Variants in PAICS observed in about 807,000 individuals in gnomAD.
The protein encoded by PAICS is bifunctional phosphoribosylaminoimidazole carboxylase/phosphoribosylaminoimidazole succinocarboxamide synthetase.
In PAICS, 33 loss-of-function variants were observed where a neutral mutation model predicts 53.7. The ratio of observed to expected loss-of-function variants is 0.61; its 90% CI spans 0.47 to 0.82. The LOEUF (loss-of-function observed/expected upper bound fraction) is 0.82. PAICS is among the 40% of genes least tolerant of loss of function. The pLI is 0.00. For missense variants in PAICS, 394 were observed against 494.1 expected, an observed-to-expected ratio of 0.80 and a Z score of 1.92; for synonymous variants, 141 against 167.2, an observed-to-expected ratio of 0.84 and a Z score of 1.21.
chr4:56,436,571 A>T, intron 1 of PAICS: 1 of 701,698 alleles, frequency 1.4e-6, no homozygotes, highest in Non-Finnish European at 2.6e-6. Context: ...GGTGCCTGGA[A>T]GTATTATTTA....
intron 1 of PAICS, among the ~76,000 whole-genome samples, chr4:56,440,294 C>G (rs1718270303): frequency 6.6e-6 from 1 of 152,148 alleles, no homozygotes; most frequent in African/African-American, 2.4e-5. Flanking sequence ...CTTAAAGGGA[C>G]TTTTAAACCA....
the PAICS span, chr4:56,420,750 C>T: frequency 6.6e-6 from 1 of 152,138 alleles, no homozygotes; most frequent in African/African-American, 2.4e-5. Flanking sequence ...ATATAAAATA[C>T]ATGAGACTTT....
At chr4:56,435,640 T>A, upstream of PAICS, 1 of 1,439,114 alleles carries the variant, frequency 6.9e-7, no homozygotes, top group Non-Finnish European at 9.3e-7. Context: ...TGTCCCTAGG[T>A]GGCGTGGCCA....
chr4:56,423,948 T>C, the PAICS span, among the ~76,000 whole-genome samples: 1 of 152,186 alleles, frequency 6.6e-6, no homozygotes, highest in African/African-American at 2.4e-5. Flanking sequence ...AGTATTGAGG[T>C]ATAAAAATAT....
the PAICS span, chr4:56,422,931 T>C: frequency 1.3e-5 from 2 of 148,972 alleles, no homozygotes; most frequent in African/African-American, 5.0e-5. Flanking sequence ...AACTCTGGTG[T>C]TGGGGCCTAG....
chr4:56,429,537 G>C, the PAICS span, among the ~76,000 whole-genome samples: 1 of 152,082 alleles, frequency 6.6e-6, no homozygotes, highest in African/African-American at 2.4e-5. Context: ...ATGCACATAA[G>C]ACTAATAAGA....
intron 8 of PAICS, among the ~76,000 whole-genome samples, chr4:56,454,945 G>A (rs1249050254): frequency 6.6e-6 from 1 of 152,046 alleles, no homozygotes; most frequent in East Asian, 1.9e-4. Flanking sequence ...ATCTCTGGAG[G>A]TCAGGAGTTC....
chr4:56,437,650 G>C (rs1718086227), intron 1 of PAICS, among the ~76,000 whole-genome samples: 1 of 151,472 alleles, frequency 6.6e-6, no homozygotes, highest in Non-Finnish European at 1.5e-5. Flanking sequence ...GTGAAACCCC[G>C]GCTCTACTAA....
At chr4:56,427,853 G>A in the PAICS span, among the ~76,000 whole-genome samples, 1 of 152,090 alleles carries the variant, frequency 6.6e-6, no homozygotes, top group African/African-American at 2.4e-5. Context: ...GATATATGAA[G>A]TCTAACAGAG....
At chr4:56,410,619 G>T in the PAICS span, 1 of 985,306 alleles carries the variant, frequency 1.0e-6, no homozygotes, top group Non-Finnish European at 1.2e-6. Flanking sequence ...GGAACACTAA[G>T]AAATAAAGGA....
rs965603435 is a variant in PAICS at position 56,460,458 on chromosome 4, A to G, written c.*920A>G. The G allele has an allele frequency of 6.6e-6, 1 of 152,220 alleles. No individual in the cohort carries two copies. The highest frequency in any genetic ancestry group is 1.5e-5 in the Non-Finnish European group (1 of 68,060). The allele number at this position is 152,220 out of a possible 1,614,324, so 9.4% of individuals were successfully genotyped here. A position where few individuals can be genotyped will look rare whatever the true frequency, so the allele number is the denominator to read the frequency against. On this transcript the variant is annotated 3_prime_UTR_variant, in exon 9 of 9. Coordinates refer to ENST00000512576, the MANE Select transcript of PAICS (RefSeq NM_001079524.2). ...AAGCCTCAAGTGAGGGTCAAATTCAACATTATCCTGATCTAGACAGCCCCC... is the reference window on the plus strand; with the variant it reads ...AAGCCTCAAGTGAGGGTCAAATTCAGCATTATCCTGATCTAGACAGCCCCC...
Position 56,452,050 on chromosome 4 carries a change from A to T in PAICS, c.950A>T (p.Glu317Val). 1.3e-6 allele frequency: 2 copies of T among 1,586,056 alleles called. No homozygotes were observed. The highest frequency in any genetic ancestry group is 1.7e-6 in the Non-Finnish European group (2 of 1,160,200). The change falls in exon 7 of 9, where the codon GAA becomes GTA. Residue 317 changes from glutamate to valine, a missense_variant and splice_region_variant. This residue lies in a region of PAICS where 131 missense variants were observed against 205.5 expected (regional missense o/e 0.64). Coordinates refer to ENST00000512576, the MANE Select transcript of PAICS (RefSeq NM_001079524.2). The stretch of plus-strand genomic sequence containing the variant: ...ACTCTGAGGATTAAAGCTGAGTATG[A>T]AGGTAAACCACAAGTAATATGGACA... Reference protein sequence around the residue: ...DETLRIKAEYEGDGIPTVFVA... With the variant: ...DETLRIKAEYVGDGIPTVFVA...
At chr4:56,432,328 G>T (rs1455176768), upstream of PAICS, among the ~76,000 whole-genome samples, 1 of 152,064 alleles carries the variant, frequency 6.6e-6, no homozygotes, top group Non-Finnish European at 1.5e-5. Context: ...AGGAGTTCAA[G>T]ACCAGCCTGG....
the PAICS span, among the ~76,000 whole-genome samples, chr4:56,423,612 A>G: frequency 6.6e-6 from 1 of 152,142 alleles, no homozygotes; most frequent in Non-Finnish European, 1.5e-5. Flanking sequence ...TACAACCTCA[A>G]GATAATTTTT....
chr4:56,438,520 A>G (rs1203702386), intron 1 of PAICS, among the ~76,000 whole-genome samples: 2 of 151,372 alleles, frequency 1.3e-5, no homozygotes, highest in African/African-American at 2.4e-5. Context: ...TGCACCCTCC[A>G]CTTTCCAGGT....
chr4:56,451,169 T>A (rs1423712090), intron 6 of PAICS: 1 of 156,114 alleles, frequency 6.4e-6, no homozygotes, highest in Non-Finnish European at 1.4e-5. Flanking sequence ...TCAGCTGGGC[T>A]ATCCTTACTA....
rs1028227640 is a variant in PAICS, at chr4:56,436,411, C to G, written c.16+83C>G. 93 of 1,119,526 alleles carry G rather than the reference C, an allele frequency of 8.3e-5. No homozygotes were observed. In the Middle Eastern group the frequency reaches 1.9e-3, roughly 23 times the overall value. 69.3% of individuals were successfully genotyped at this position (1,119,526 alleles called of 1,614,324 possible). A position where few individuals can be genotyped will look rare whatever the true frequency, so the allele number is the denominator to read the frequency against. ...GCGGCCACGTGCGAGCCGCGAAACTCTGTCCCGCCTCCCTGCAGCAGCGCC... is the reference window on the plus strand; with the variant it reads ...GCGGCCACGTGCGAGCCGCGAAACTGTGTCCCGCCTCCCTGCAGCAGCGCC... On this transcript the variant is annotated intron_variant, in intron 1 of 8. Transcript: ENST00000512576.
In PAICS at chr4:56,451,908, G is replaced by A. The variant is rs201075940; in HGVS notation, c.808G>A (p.Val270Met). Residue 270 changes from valine (V) to methionine (M), a missense_variant, in exon 7 of 9, where the codon GTG becomes ATG. Val to Met is a conservative substitution (Grantham distance 21). Around this residue, in one of 3 missense-constraint regions of PAICS, gnomAD observed 131 missense variants for 205.5 expected, o/e 0.64. Transcript: ENST00000512576. The part of the protein sequence containing the change: ...LKSESQCRVV[V>M]LMGSTSDLGH... Reference sequence around the variant, plus strand: ...ATCAGAAAGTCAGTGCAGGGTTGTAGTGTTGATGGGCTCTACTTCTGATCT... The same window carrying A: ...ATCAGAAAGTCAGTGCAGGGTTGTAATGTTGATGGGCTCTACTTCTGATCT... 10 of 1,606,934 alleles carry A rather than the reference G, an allele frequency of 6.2e-6. No individual in the cohort carries two copies. In the African/African-American group the frequency reaches 9.4e-5, roughly 15 times the overall value.
chr4:56,423,659 GTTTT>G, the PAICS span, among the ~76,000 whole-genome samples: 1 of 147,332 alleles, frequency 6.8e-6, no homozygotes, highest in African/African-American at 2.5e-5. Context: ...AAAAGTACAA[GTTTT>G]TTTTTTTGTT....
Sources: allele counts gnomAD v4.1 joint callset (sites outside exome capture counted in the v4.1 genomes callset), GRCh38; gene constraint gnomAD v4.1.1; regional missense constraint gnomAD v4.1.1; transcripts MANE v1.5; gene names NCBI Gene and HGNC (gene_info 2026-07-23, HGNC 2026-07-21).